The following ARHGEF4 variants were observed in gnomAD, a reference collection of about 807,000 sequenced individuals.
ARHGEF4 encodes Rho guanine nucleotide exchange factor 4.
A neutral mutation model predicts 162.0 loss-of-function variants in ARHGEF4; 119 were observed. The ratio of observed to expected loss-of-function variants is 0.73; its 90% CI spans 0.63 to 0.86. ARHGEF4 has a LOEUF of 0.86. Ranked by LOEUF, ARHGEF4 falls within the 40% of genes least tolerant of loss-of-function variation. ARHGEF4 has a pLI of 0.00. For synonymous variants in ARHGEF4, 1,014 were observed against 979.9 expected, an observed-to-expected ratio of 1.03 and a Z score of -0.65; for missense variants, 2,488 against 2,456.0, an observed-to-expected ratio of 1.01 and a Z score of -0.28.
At chr2:130,962,306 C>T (rs1290695623) in intron 4 of ARHGEF4, among the ~76,000 whole-genome samples, 1 of 150,988 alleles carries the variant, frequency 6.6e-6, no homozygotes, top group African/African-American at 2.4e-5. Context: ...CCAGGAAAGG[C>T]ACTCTTTCCT....
intron 4 of ARHGEF4, among the ~76,000 whole-genome samples, chr2:131,001,482 C>G (rs62178940): frequency 0.18 from 27,671 of 152,028 alleles, 2,920 homozygotes; most frequent in Non-Finnish European, 0.23. Context: ...ACAAGAGAAA[C>G]CATTCCATAC....
intron 1 of ARHGEF4, among the ~76,000 whole-genome samples, chr2:130,842,745 T>C (rs935876515): frequency 6.6e-5 from 10 of 152,154 alleles, no homozygotes; most frequent in African/African-American, 2.4e-4. Flanking sequence ...GTCCCAGCTC[T>C]CCTCCCCACC....
intron 1 of ARHGEF4, among the ~76,000 whole-genome samples, chr2:130,906,067 T>C (rs1158660895): frequency 6.6e-6 from 1 of 152,240 alleles, no homozygotes; most frequent in Non-Finnish European, 1.5e-5. Flanking sequence ...CTCTTTTCAG[T>C]TGGCTTCTGT....
intron 1 of ARHGEF4, among the ~76,000 whole-genome samples, chr2:130,911,495 C>T (rs750119326): frequency 3.3e-5 from 5 of 152,152 alleles, no homozygotes; most frequent in Admixed American, 1.3e-4. Flanking sequence ...ATTTGGGGAT[C>T]GCTCCTGAAT....
intron 4 of ARHGEF4, among the ~76,000 whole-genome samples, chr2:130,986,153 T>C (rs1686482659): frequency 6.6e-6 from 1 of 151,900 alleles, no homozygotes; most frequent in Non-Finnish European, 1.5e-5. Context: ...GTGCATGGTG[T>C]GTGTTGCATG....
chr2:131,043,419 C>T (rs1353115824), intron 10 of ARHGEF4, 33 bp from the exon 11 acceptor site: 21 of 1,612,254 alleles, frequency 1.3e-5, no homozygotes, highest in Non-Finnish European at 1.8e-5. Context: ...GTTGGGTATG[C>T]GAGGCTCATG....
chr2:130,949,318 C>CTGTT (rs561916767), intron 4 of ARHGEF4, among the ~76,000 whole-genome samples: 13 of 151,924 alleles, frequency 8.6e-5, no homozygotes, highest in African/African-American at 1.2e-4. Flanking sequence ...TCGAGGTTTT[C>CTGTT]TGTTTGTTTG....
intron 1 of ARHGEF4, among the ~76,000 whole-genome samples, chr2:130,910,839 A>G (rs1456886927): frequency 6.6e-6 from 1 of 152,200 alleles, no homozygotes; most frequent in Non-Finnish European, 1.5e-5. Context: ...ACTAACACAT[A>G]CTTCTAATAA....
Position 130,840,297 on chromosome 2 carries a change from G to A in ARHGEF4, c.39+3305G>A, listed in dbSNP as rs145549706. Among the ~76,000 whole-genome samples, 67 of 152,236 alleles carry A rather than the reference G, an allele frequency of 4.4e-4. 1 individual carries two copies. In the East Asian group the frequency reaches 0.01, roughly 23 times the overall value. On this transcript the variant is annotated intron_variant, in intron 1 of 13. Transcript: ENST00000409359. The stretch of plus-strand genomic sequence containing the variant: ...CCAAGGATTGTGACAGCTTCAGTCC[G>A]GTAGGGAGGTCATAAGTGGGACAGC...
In ARHGEF4 at chr2:130,916,945, T is replaced by G. The variant is rs1681537407; in HGVS notation, c.2999T>G (p.Phe1000Cys). The G allele has an allele frequency of 6.4e-7, 1 of 1,550,778 alleles. No homozygotes were observed. The highest frequency in any genetic ancestry group is 2.4e-5 in the East Asian group (1 of 40,890). Residue 1000 changes from phenylalanine (F) to cysteine (C), a missense_variant, in exon 2 of 14, where the codon TTT becomes TGT. Phe to Cys is a radical substitution (Grantham distance 205, BLOSUM62 -2). Transcript: ENST00000409359. ...ERAEDKEGYV[F>C]SDHWAPPLAS... Reference sequence around the variant, plus strand: ...GCGGAGGACAAAGAGGGCTATGTTTTTAGCGATCACTGGGCACCCCCACTT... The same window carrying G: ...GCGGAGGACAAAGAGGGCTATGTTTGTAGCGATCACTGGGCACCCCCACTT...
chr2:130,924,569 C>G (rs1465840418), intron 2 of ARHGEF4, among the ~76,000 whole-genome samples: 1 of 152,184 alleles, frequency 6.6e-6, no homozygotes, highest in East Asian at 1.9e-4. Flanking sequence ...AGGCAGTCCT[C>G]TGGTGTGAAA....
chr2:130,852,201 G>T (rs1681461338), intron 1 of ARHGEF4, among the ~76,000 whole-genome samples: 1 of 152,214 alleles, frequency 6.6e-6, no homozygotes, highest in Admixed American at 6.5e-5. Context: ...CGAGCTCATG[G>T]GTCTAGTGGT....
chr2:130,970,447 G>A (rs1340685206), intron 4 of ARHGEF4, among the ~76,000 whole-genome samples: 2 of 151,950 alleles, frequency 1.3e-5, no homozygotes, highest in Non-Finnish European at 2.9e-5. Context: ...AAATTAGCCG[G>A]GCATGGTGGT....
chr2:130,881,395 TA>T (rs1000196246), intron 1 of ARHGEF4, among the ~76,000 whole-genome samples: 8 of 152,272 alleles, frequency 5.3e-5, no homozygotes, highest in African/African-American at 1.9e-4. Context: ...TGCCAAGGTT[TA>T]GGGTAAGATT....
intron 4 of ARHGEF4, among the ~76,000 whole-genome samples, chr2:131,026,681 C>T (rs989980682): frequency 6.6e-6 from 1 of 152,140 alleles, no homozygotes; most frequent in Non-Finnish European, 1.5e-5. Context: ...ATTAAAATCA[C>T]AGTAAGATAC....
At chr2:130,998,223 A>G (rs1416483190) in intron 4 of ARHGEF4, among the ~76,000 whole-genome samples, 1 of 152,164 alleles carries the variant, frequency 6.6e-6, no homozygotes, top group African/African-American at 2.4e-5. Context: ...CATTGTTAAC[A>G]TGAATGGACT....
chr2:130,885,925 G>GT (rs1376405196), intron 1 of ARHGEF4, among the ~76,000 whole-genome samples: 3 of 151,930 alleles, frequency 2.0e-5, no homozygotes, highest in African/African-American at 7.3e-5. Flanking sequence ...GACATGTAGA[G>GT]TTTAACAGAG....
At chr2:130,866,412 A>G (rs1682283373) in intron 1 of ARHGEF4, among the ~76,000 whole-genome samples, 1 of 152,160 alleles carries the variant, frequency 6.6e-6, no homozygotes, top group Non-Finnish European at 1.5e-5. Flanking sequence ...TGGGTATGGC[A>G]GGCAGGATTT....
chr2:130,872,206 T>TA (rs1678532624), intron 1 of ARHGEF4, among the ~76,000 whole-genome samples: 1 of 152,218 alleles, frequency 6.6e-6, no homozygotes, highest in South Asian at 2.1e-4. Context: ...GCTCTTCCTC[T>TA]GCTTGTTATC....
Sources: allele counts gnomAD v4.1 joint callset (sites outside exome capture counted in the v4.1 genomes callset), GRCh38; gene constraint gnomAD v4.1.1; transcripts MANE v1.5; gene names NCBI Gene and HGNC (gene_info 2026-07-23, HGNC 2026-07-21).